The following RPS6KC1 variants were observed in gnomAD, a reference collection of about 807,000 sequenced individuals.
RPS6KC1 encodes inactive ribosomal protein S6 kinase delta-1.
In RPS6KC1, 54 loss-of-function variants were observed where a neutral mutation model predicts 103.8. The observed-to-expected ratio is 0.52, with a 90% CI of 0.42 to 0.65. The LOEUF is 0.65. RPS6KC1 is among the 30% of genes least tolerant of loss of function. RPS6KC1 has a pLI of 0.00. For synonymous variants in RPS6KC1, 439 were observed against 438.7 expected, an observed-to-expected ratio of 1.00 and a Z score of -0.01; for missense variants, 1,151 against 1,253.8, an observed-to-expected ratio of 0.92 and a Z score of 1.24.
the RPS6KC1 span, among the ~76,000 whole-genome samples, chr1:213,810,416 C>T: frequency 6.6e-6 from 1 of 152,094 alleles, no homozygotes; most frequent in African/African-American, 2.4e-5. Flanking sequence ...TTGCTGCATA[C>T]CTGGCCTGGC....
At chr1:213,109,286 G>C (rs2082784139) in intron 4 of RPS6KC1, among the ~76,000 whole-genome samples, 1 of 151,968 alleles carries the variant, frequency 6.6e-6, no homozygotes, top group South Asian at 2.1e-4. Flanking sequence ...ACAGGCGCCC[G>C]CCAGCACGCC....
the RPS6KC1 span, among the ~76,000 whole-genome samples, chr1:213,317,109 G>T: frequency 6.6e-6 from 1 of 152,334 alleles, no homozygotes; most frequent in African/African-American, 2.4e-5. Context: ...GACCAAGCTG[G>T]CTACTGTATT....
the RPS6KC1 span, among the ~76,000 whole-genome samples, chr1:213,406,900 A>C: frequency 6.6e-6 from 1 of 152,286 alleles, no homozygotes; most frequent in South Asian, 2.1e-4. Context: ...TTTACAAATG[A>C]GAGCGCTGAG....
the RPS6KC1 span, among the ~76,000 whole-genome samples, chr1:213,323,726 G>A: frequency 1.3e-5 from 2 of 151,938 alleles, no homozygotes; most frequent in Admixed American, 6.6e-5. Flanking sequence ...AGCAGTTTTA[G>A]GTTCACACAG....
At chr1:213,436,948 T>C in the RPS6KC1 span, among the ~76,000 whole-genome samples, 2 of 152,116 alleles carry the variant, frequency 1.3e-5, no homozygotes, top group Admixed American at 1.3e-4. Context: ...CTATGGATAA[T>C]GAGAGTTTTA....
At chr1:213,261,115 G>A (rs991146300) in intron 12 of RPS6KC1, among the ~76,000 whole-genome samples, 2 of 149,762 alleles carry the variant, frequency 1.3e-5, no homozygotes, top group Non-Finnish European at 3.0e-5. Flanking sequence ...CGTCTCTCTG[G>A]TTTCTAACCT....
the RPS6KC1 span, among the ~76,000 whole-genome samples, chr1:213,836,900 C>T: frequency 6.6e-6 from 1 of 152,312 alleles, no homozygotes; most frequent in African/African-American, 2.4e-5. Context: ...AATCAGCAAC[C>T]TCTTTGGCTG....
chr1:213,803,046 A>C, the RPS6KC1 span, among the ~76,000 whole-genome samples: 41,322 of 151,930 alleles, frequency 0.27, 9,687 homozygotes, highest in African/African-American at 0.62. Context: ...CTCACAATAA[A>C]CTTATGAGGC....
At chr1:213,307,294 G>A in the RPS6KC1 span, among the ~76,000 whole-genome samples, 5 of 151,892 alleles carry the variant, frequency 3.3e-5, no homozygotes, top group East Asian at 1.9e-4. Context: ...CTGATGATCC[G>A]CCCGCCTCGG....
the RPS6KC1 span, among the ~76,000 whole-genome samples, chr1:213,743,506 G>T: frequency 6.6e-6 from 1 of 152,198 alleles, no homozygotes; most frequent in South Asian, 2.1e-4. Flanking sequence ...TAAAATAAAA[G>T]TTGAGAAAAA....
At chr1:213,727,786 T>C in the RPS6KC1 span, among the ~76,000 whole-genome samples, 1 of 152,040 alleles carries the variant, frequency 6.6e-6, no homozygotes, top group African/African-American at 2.4e-5. Context: ...TAGCATGAAG[T>C]TGGTATTTAG....
chr1:213,427,742 G>A, the RPS6KC1 span, among the ~76,000 whole-genome samples: 1 of 152,172 alleles, frequency 6.6e-6, no homozygotes, highest in East Asian at 1.9e-4. Context: ...TGTGCCAAGA[G>A]CAGGTTTTTC....
chr1:213,177,900 G>A (rs2091982155), intron 8 of RPS6KC1, among the ~76,000 whole-genome samples: 1 of 152,028 alleles, frequency 6.6e-6, no homozygotes, highest in South Asian at 2.1e-4. Context: ...AGTCTCACAG[G>A]TTTGTTTAAA....
chr1:213,287,385 T>A, the RPS6KC1 span, among the ~76,000 whole-genome samples: 166 of 152,250 alleles, frequency 1.1e-3, no homozygotes, highest in African/African-American at 3.5e-3. Flanking sequence ...TTTGTGCAAC[T>A]TAGGAAACGA....
At chr1:213,210,731 G>T (rs1306369028) in intron 8 of RPS6KC1, among the ~76,000 whole-genome samples, 1 of 152,300 alleles carries the variant, frequency 6.6e-6, no homozygotes, top group East Asian at 1.9e-4. Context: ...TGCTACAAAA[G>T]TACAAACTCA....
intron 3 of RPS6KC1, among the ~76,000 whole-genome samples, chr1:213,078,971 A>G (rs977120167): frequency 2.0e-5 from 3 of 152,158 alleles, no homozygotes; most frequent in Non-Finnish European, 4.4e-5. Context: ...GTGCTTATTA[A>G]TATGTATATG....
chr1:213,724,786 A>C, the RPS6KC1 span, among the ~76,000 whole-genome samples: 1 of 152,192 alleles, frequency 6.6e-6, no homozygotes, highest in South Asian at 2.1e-4. Context: ...CATTAATCTC[A>C]TTACTAACAA....
the RPS6KC1 span, among the ~76,000 whole-genome samples, chr1:213,651,560 T>C: frequency 6.6e-6 from 1 of 152,184 alleles, no homozygotes; most frequent in East Asian, 1.9e-4. Context: ...TCATGCCCTG[T>C]TCACAACAAC....
chr1:213,137,752 GCTCTCT>G (rs149436919), intron 6 of RPS6KC1, among the ~76,000 whole-genome samples: 3 of 12,208 alleles, frequency 2.5e-4, no homozygotes, highest in African/African-American at 5.5e-4. Context: ...AGTCCAGTTT[GCTCTCT>G]CTCTCTCTCT....
Sources: allele counts gnomAD v4.1 joint callset (sites outside exome capture counted in the v4.1 genomes callset), GRCh38; gene constraint gnomAD v4.1.1; transcripts MANE v1.5; gene names NCBI Gene and HGNC (gene_info 2026-07-23, HGNC 2026-07-21).